The following NRF1 variants were observed in gnomAD, a reference collection of about 807,000 sequenced individuals.
NRF1 encodes alpha palindromic-binding protein.
A neutral mutation model predicts 58.5 loss-of-function variants in NRF1; 5 were observed. The observed-to-expected ratio is 0.09, with a 90% confidence interval of 0.04 to 0.18. The LOEUF is 0.18. NRF1 is among the 10% of genes least tolerant of loss of function. The pLI, the probability that NRF1 is intolerant of heterozygous loss-of-function variation, is 1.00. For missense variants in NRF1, 288 were observed against 657.7 expected, an observed-to-expected ratio of 0.44 and a Z score of 6.15; for synonymous variants, 224 against 246.7, an observed-to-expected ratio of 0.91 and a Z score of 0.86.
intron 5 of NRF1, among the ~76,000 whole-genome samples, chr7:129,705,398 C>T (rs1584658255): frequency 6.6e-6 from 1 of 152,294 alleles, no homozygotes; most frequent in East Asian, 1.9e-4. Context: ...TTAAGCGATT[C>T]TCCTGCCTCA....
chr7:129,622,931 A>T (rs1800832361), intron 1 of NRF1, among the ~76,000 whole-genome samples: 1 of 152,182 alleles, frequency 6.6e-6, no homozygotes, highest in Non-Finnish European at 1.5e-5. Flanking sequence ...CTATCAATTT[A>T]TTTTTACCTT....
In NRF1 at chr7:129,718,248, AG is replaced by A. The variant is rs369667385; in HGVS notation, c.1223+873del. On this transcript the variant is annotated intron_variant, in intron 9 of 10. Transcript: ENST00000393232. ...ATTTAAATTAATGGTCAAGAGTGTGAGCCTTGACGCCAGACTACTTGGGTTT... is the reference window on the plus strand; with the variant it reads ...ATTTAAATTAATGGTCAAGAGTGTGACCTTGACGCCAGACTACTTGGGTTT... Among the ~76,000 whole-genome samples the A allele has an allele frequency of 5.3e-3, 805 of 152,260 alleles. 5 individuals carry two copies. The highest frequency in any genetic ancestry group is 0.024 in the Middle Eastern group (7 of 294).
chr7:129,671,570 A>G (rs1802048393), intron 3 of NRF1, 27 bp downstream of exon 3: 5 of 1,199,638 alleles, frequency 4.2e-6, no homozygotes, highest in East Asian at 2.3e-5. Flanking sequence ...CCATATTGTT[A>G]CTATTCCTCA....
chr7:129,735,312 A>G, intron 10 of NRF1: 1 of 838,424 alleles, frequency 1.2e-6, no homozygotes, highest in Non-Finnish European at 1.4e-6. Context: ...CGGGCGGATC[A>G]CAAGGTCAGG....
intron 10 of NRF1, among the ~76,000 whole-genome samples, chr7:129,728,468 C>CAAAAAA (rs60777041): frequency 2.1e-5 from 2 of 96,428 alleles, no homozygotes; most frequent in African/African-American, 7.9e-5. Flanking sequence ...GACTCCGTCT[C>CAAAAAA]AAAAAAAAAA....
At chr7:129,673,258 G>A (rs902077153) in intron 3 of NRF1, among the ~76,000 whole-genome samples, 5 of 152,218 alleles carry the variant, frequency 3.3e-5, no homozygotes, top group Middle Eastern at 3.4e-3. Context: ...GAGAGGAATT[G>A]GAGACAGTGA....
chr7:129,658,646 T>C (rs1166794639), intron 2 of NRF1, among the ~76,000 whole-genome samples: 5 of 152,084 alleles, frequency 3.3e-5, no homozygotes, highest in Non-Finnish European at 5.9e-5. Flanking sequence ...CTTGGAACTT[T>C]TAACCTCTAC....
chr7:129,618,300 G>A (rs78486766), intron 1 of NRF1, among the ~76,000 whole-genome samples: 2,436 of 152,236 alleles, frequency 0.016, 59 homozygotes, highest in African/African-American at 0.053. Context: ...AGATATCTGG[G>A]AATCAAGAAA....
intron 4 of NRF1, among the ~76,000 whole-genome samples, chr7:129,680,216 A>T (rs188948075): frequency 1.0e-3 from 158 of 152,308 alleles, no homozygotes; most frequent in African/African-American, 3.5e-3. Context: ...TAATAATCAC[A>T]TTTCGATTTT....
At chr7:129,657,258 C>CT in intron 1 of NRF1, 88 bp from the exon 2 acceptor site, 1 of 980,450 alleles carries the variant, frequency 1.0e-6, no homozygotes, top group Non-Finnish European at 1.5e-6. Context: ...CAAGGTTCCT[C>CT]TGCTCTTGAA....
intron 1 of NRF1, among the ~76,000 whole-genome samples, chr7:129,641,328 A>C (rs1265478743): frequency 6.6e-6 from 1 of 152,024 alleles, no homozygotes; most frequent in Non-Finnish European, 1.5e-5. Context: ...ATAAACTTTA[A>C]TTTTTTGATC....
At chr7:129,718,850 A>G (rs1187011541) in intron 9 of NRF1, among the ~76,000 whole-genome samples, 2 of 152,218 alleles carry the variant, frequency 1.3e-5, no homozygotes, top group Admixed American at 6.5e-5. Context: ...CCTGAGAAAC[A>G]TAACCTCTGA....
At chr7:129,657,974 G>A (rs946014418) in intron 2 of NRF1, among the ~76,000 whole-genome samples, 1 of 152,012 alleles carries the variant, frequency 6.6e-6, no homozygotes, top group Non-Finnish European at 1.5e-5. Flanking sequence ...GAGACTTGAG[G>A]TCTGTAATCA....
At chr7:129,728,292 G>C (rs1258720384) in intron 10 of NRF1, among the ~76,000 whole-genome samples, 1 of 152,116 alleles carries the variant, frequency 6.6e-6, no homozygotes, top group Non-Finnish European at 1.5e-5. Flanking sequence ...GCCAAAGTGG[G>C]TGGATCACCT....
rs1584572478 is a variant in NRF1 at position 129,614,608 on chromosome 7, T to A, written c.-7+2784T>A. Among the ~76,000 whole-genome samples the A allele has an allele frequency of 3.9e-5, 6 of 152,172 alleles. No individual in the cohort carries two copies. In the South Asian group the frequency reaches 1.0e-3, roughly 26 times the overall value. ...CTGAGACTATAGGCAAGTGCCACCG[T>A]GCTGGCAGTGGCTTCATAACATGTT... On this transcript the variant is annotated intron_variant, in intron 1 of 10. Coordinates refer to ENST00000393232, the MANE Select transcript of NRF1 (RefSeq NM_005011.5).
At position 129,728,468 on chromosome 7, in the gene NRF1, CAAAAAAAAAAAAA is replaced by C. The variant is rs60777041; in HGVS notation, c.1348+1117_1348+1129del. ...TGGGTGACAGAATGAGACTCCGTCT[CAAAAAAAAAAAAA>C]AAAAAAAAAAAAACCAATCCTGGAA... On this transcript the variant is annotated intron_variant, in intron 10 of 10. Transcript: ENST00000393232. 1.0e-4 allele frequency among the ~76,000 whole-genome samples: 10 copies of C among 96,354 alleles called. No homozygotes were observed. The South Asian group carries it at 1.1e-3, about 11-fold the overall frequency. The allele number at this position is 96,354 out of a possible 152,430, so 63.2% of individuals were successfully genotyped here.
intron 4 of NRF1, among the ~76,000 whole-genome samples, chr7:129,686,388 A>G (rs1802444875): frequency 2.0e-5 from 3 of 152,236 alleles, no homozygotes; most frequent in South Asian, 2.1e-4. Flanking sequence ...ACTTTGTCCT[A>G]TAAGAAGTGA....
chr7:129,614,507 G>A (rs1800620743), intron 1 of NRF1, among the ~76,000 whole-genome samples: 2 of 143,444 alleles, frequency 1.4e-5, no homozygotes, highest in Non-Finnish European at 3.1e-5. Flanking sequence ...TTAGAGATGG[G>A]GATCTTGCTA....
At position 129,709,080 on chromosome 7, in the gene NRF1, G is replaced by T. The variant is rs1319738223; in HGVS notation, c.612G>T (p.Gln204His). 2 of 1,550,828 alleles carry T rather than the reference G, an allele frequency of 1.3e-6. No homozygotes were observed. The highest frequency in any genetic ancestry group is 1.7e-6 in the Non-Finnish European group (2 of 1,146,484). The change falls in exon 6 of 11, where the codon CAG (glutamine) becomes CAT (histidine). Residue 204 changes from glutamine to histidine, a missense_variant. Transcript: ENST00000393232. The stretch of plus-strand genomic sequence containing the variant: ...ACCACACTGTTCTCTTCCAGGCCCA[G>T]CTTCGGGCATTTATCCCAGAGATGC... Reference protein sequence around the residue: ...PVSVDKMTQAQLRAFIPEMLK... With the variant: ...PVSVDKMTQAHLRAFIPEMLK...
Sources: gnomAD v4.1 joint callset for allele counts (sites outside exome capture counted in the v4.1 genomes callset) on GRCh38, gnomAD v4.1.1 for gene constraint, MANE v1.5 for transcripts, NCBI Gene and HGNC (gene_info 2026-07-23, HGNC 2026-07-21) for gene names.